Variants in IMPA1 observed in about 807,000 individuals in gnomAD.
IMPA1 encodes inositol monophosphatase 1.
In IMPA1, 21 loss-of-function variants were observed where a neutral mutation model predicts 34.9. That is an observed-to-expected ratio of 0.60 (90% CI 0.43 to 0.87). The LOEUF (loss-of-function observed/expected upper bound fraction) is 0.87. Among genes scored for constraint, IMPA1 ranks in the 40% least tolerant of loss-of-function variants. IMPA1 has a pLI of 0.00. For synonymous variants in IMPA1, 95 were observed against 104.4 expected, an observed-to-expected ratio of 0.91 and a Z score of 0.55; for missense variants, 299 against 336.4, an observed-to-expected ratio of 0.89 and a Z score of 0.87.
At chr8:81,662,444 G>A (rs919276967) in intron 7 of IMPA1, among the ~76,000 whole-genome samples, 2 of 152,242 alleles carry the variant, frequency 1.3e-5, no homozygotes, top group East Asian at 1.9e-4. Context: ...CAATCAGCAA[G>A]AGAATATTCT....
rs1314133907 is a variant in IMPA1 at position 81,679,152 on chromosome 8, A to C, written c.276T>G (p.Ile92Met). 1 of 1,612,756 alleles carries C rather than the reference A, an allele frequency of 6.2e-7. No homozygotes were observed. Among genetic ancestry groups the C allele is most frequent in the Non-Finnish European group, 8.5e-7 (1 of 1,178,736 alleles). Residue 92 changes from isoleucine to methionine, a missense_variant, in exon 4 of 9, where the codon ATT (isoleucine) becomes ATG (methionine). Transcript: ENST00000256108. ...TATGTACAAAGTTAGTTGTTCCATC[A>C]ATAGGGTCAATGATCCATGTGGGGT... ...TDNPTWIIDP[I>M]DGTTNFVHRF...
Position 81,680,766 on chromosome 8 carries a change from T to A in IMPA1, c.81A>T (p.Ile27=). The A allele has an allele frequency of 6.2e-7, 1 of 1,607,002 alleles. No individual in the cohort carries two copies. Among genetic ancestry groups the A allele is most frequent in the Non-Finnish European group, 8.5e-7 (1 of 1,174,446 alleles). ...TCAGCATAACATTCATTTCATTTTT[T>A]ATAGCTTCACAAACTACCTAAAAAG... ...RQAGEVVCEA[I]KNEMNVMLKS... Residue 27 remains isoleucine, a synonymous_variant, in exon 3 of 9, where the codon ATA becomes ATT. Coordinates refer to ENST00000256108, the MANE Select transcript of IMPA1 (RefSeq NM_005536.4).
At chr8:81,684,518 TATGTGTAGTA>T (rs1563592365) in intron 1 of IMPA1, among the ~76,000 whole-genome samples, 1 of 30,690 alleles carries the variant, frequency 3.3e-5, no homozygotes, top group African/African-American at 9.8e-5. Flanking sequence ...CTTTAGATAC[TATGTGTAGTA>T]TATATACTAC....
At chr8:81,670,154 A>G (rs7845229) in intron 7 of IMPA1, among the ~76,000 whole-genome samples, 3,980 of 152,312 alleles carry the variant, frequency 0.026, 162 homozygotes, top group African/African-American at 0.089. Flanking sequence ...AAAATGGACT[A>G]AGACAGACTC....
chr8:81,677,743 T>C (rs1262943754), intron 4 of IMPA1, among the ~76,000 whole-genome samples: 1 of 152,092 alleles, frequency 6.6e-6, no homozygotes, highest in African/African-American at 2.4e-5. Context: ...TGTGAAAATA[T>C]ATTAGCATCT....
chr8:81,678,279 G>T (rs1194519215), intron 4 of IMPA1, among the ~76,000 whole-genome samples: 1 of 151,248 alleles, frequency 6.6e-6, no homozygotes, highest in Non-Finnish European at 1.5e-5. Flanking sequence ...TTTTTCTCCT[G>T]GACTGAACTC....
chr8:81,676,560 C>T (rs945846660), intron 4 of IMPA1, among the ~76,000 whole-genome samples: 1 of 152,088 alleles, frequency 6.6e-6, no homozygotes. Flanking sequence ...AAAGGATTCA[C>T]GAGAAACTTG....
At chr8:81,662,517 T>A (rs1214270540) in intron 7 of IMPA1, among the ~76,000 whole-genome samples, 1 of 152,198 alleles carries the variant, frequency 6.6e-6, no homozygotes, top group African/African-American at 2.4e-5. Flanking sequence ...TAATTAAGAC[T>A]ATGGTGTAGA....
Position 81,676,240 on chromosome 8 carries a change from A to G in IMPA1, c.342T>C (p.Asn114=). 2 of 1,347,838 alleles carry G rather than the reference A, an allele frequency of 1.5e-6. No individual in the cohort carries two copies. The highest frequency in any genetic ancestry group is 2.0e-6 in the Non-Finnish European group (2 of 985,978). The allele number at this position is 1,347,838 out of a possible 1,614,324, so 83.5% of individuals were successfully genotyped here. ...FVAVSIGFAV[N]KKIEFGVVYS... ...TACGTTTAAAAAATCATACCTTTTT[A>G]TTTACAGCAAAGCCAATTGAAACAG... The change falls in exon 5 of 9, where the codon AAT becomes AAC. Residue 114 remains asparagine (N), a synonymous_variant. Transcript: ENST00000256108.
chr8:81,675,468 G>A (rs913317611), intron 5 of IMPA1, among the ~76,000 whole-genome samples: 2 of 152,234 alleles, frequency 1.3e-5, no homozygotes, highest in Non-Finnish European at 1.5e-5. Context: ...TTCAGTGGCA[G>A]GGCCAGCATA....
rs892559558 is a variant in IMPA1 at position 81,657,195 on chromosome 8, T to C, written c.*2156A>G. On this transcript the variant is annotated 3_prime_UTR_variant, in exon 9 of 9. Transcript: ENST00000256108. ...GGAAAAGCTATTGTAGAAAAAAATATAGGTTTTTAGAAAAGTTGGAAAGAT... is the reference window on the plus strand; with the variant it reads ...GGAAAAGCTATTGTAGAAAAAAATACAGGTTTTTAGAAAAGTTGGAAAGAT... Among the ~76,000 whole-genome samples the C allele has an allele frequency of 6.6e-6, 1 of 152,182 alleles. No homozygotes were observed. Among genetic ancestry groups the C allele is most frequent in the African/African-American group, 2.4e-5 (1 of 41,446 alleles).
chr8:81,685,530 A>AT (rs1807487517), intron 1 of IMPA1, among the ~76,000 whole-genome samples: 1 of 145,380 alleles, frequency 6.9e-6, no homozygotes, highest in East Asian at 2.0e-4. Context: ...TGTACTATAT[A>AT]TAAGTATATA....
chr8:81,667,485 G>A (rs1416722801), intron 7 of IMPA1, among the ~76,000 whole-genome samples: 4 of 152,074 alleles, frequency 2.6e-5, no homozygotes, highest in African/African-American at 7.2e-5. Context: ...TAGGTTAAGG[G>A]TGGGGTGATG....
rs150063702 is a variant in IMPA1, at chr8:81,683,087, C to T, written c.-24-1503G>A. Among the ~76,000 whole-genome samples the T allele has an allele frequency of 3.1e-3, 473 of 152,270 alleles. 3 individuals are homozygous for T. Among genetic ancestry groups the T allele is most frequent in the African/African-American group, 0.011 (453 of 41,540 alleles). On this transcript the variant is annotated intron_variant, in intron 1 of 8. Coordinates refer to ENST00000256108, the MANE Select transcript of IMPA1 (RefSeq NM_005536.4). ...AGGTTTCCCTGAAGACAAGATTAAA[C>T]CAAGATGAGAACAAGTGAACAGGCA...
chr8:81,673,987 T>A, intron 5 of IMPA1, 38 bp from the exon 6 acceptor site: 2 of 1,240,940 alleles, frequency 1.6e-6, no homozygotes, highest in Non-Finnish European at 2.4e-6. Flanking sequence ...CAAACCTAAG[T>A]ATGTTTCATC....
intron 3 of IMPA1, among the ~76,000 whole-genome samples, chr8:81,679,615 G>GA (rs35868443): frequency 0.44 from 58,900 of 133,842 alleles, 12,788 homozygotes; most frequent in East Asian, 0.86. Context: ...TCTGTCTCAG[G>GA]AAAAAAAAAA....
Position 81,658,070 on chromosome 8 carries a change from T to G in IMPA1, c.*1281A>C, listed in dbSNP as rs1170782283. The G allele has an allele frequency of 6.6e-6, 1 of 152,116 alleles. No homozygotes were observed. Among genetic ancestry groups the G allele is most frequent in the Admixed American group, 6.5e-5 (1 of 15,276 alleles). 9.4% of individuals were successfully genotyped at this position (152,116 alleles called of 1,614,324 possible). On this transcript the variant is annotated 3_prime_UTR_variant, in exon 9 of 9. Coordinates refer to ENST00000256108, the MANE Select transcript of IMPA1 (RefSeq NM_005536.4). Reference sequence around the variant, plus strand: ...ACATGTGATCAACAGTACAAATAATTATAGCAGTCAAACCTTAGTATCACA... The same window carrying G: ...ACATGTGATCAACAGTACAAATAATGATAGCAGTCAAACCTTAGTATCACA...
chr8:81,659,274 C>T lies in IMPA1; in HGVS notation c.*77G>A, dbSNP rs969792290. ...GAGAATTTAAACCAAGCATATCATACATCCAAAACACATATCCATTGATGA... is the reference window on the plus strand; with the variant it reads ...GAGAATTTAAACCAAGCATATCATATATCCAAAACACATATCCATTGATGA... On this transcript the variant is annotated 3_prime_UTR_variant, in exon 9 of 9. Transcript: ENST00000256108. 18 of 816,894 alleles carry T rather than the reference C, an allele frequency of 2.2e-5. No individual in the cohort carries two copies. The highest frequency in any genetic ancestry group is 3.4e-5 in the Non-Finnish European group (16 of 465,412). The allele number at this position is 816,894 out of a possible 1,614,324, so 50.6% of individuals were successfully genotyped here.
chr8:81,685,835 T>C, intron 1 of IMPA1: 3 of 1,551,120 alleles, frequency 1.9e-6, no homozygotes, highest in South Asian at 2.4e-5. Context: ...CCTTCCAGCG[T>C]AGGAGCCAGG....
Sources: allele counts gnomAD v4.1 joint callset (sites outside exome capture counted in the v4.1 genomes callset), GRCh38; gene constraint gnomAD v4.1.1; transcripts MANE v1.5; gene names NCBI Gene and HGNC (gene_info 2026-07-23, HGNC 2026-07-21).